Variants in CSNK1G1 observed in about 807,000 individuals in gnomAD.
CSNK1G1 encodes the protein casein kinase I isoform gamma-1.
Under a neutral mutation model 59.6 loss-of-function variants are expected in CSNK1G1, and 22 were observed. The ratio of observed to expected loss-of-function variants is 0.37; its 90% confidence interval spans 0.26 to 0.53. The LOEUF (loss-of-function observed/expected upper bound fraction) is 0.53, where lower values mean the gene tolerates loss of function less well. Among genes scored for constraint, CSNK1G1 ranks in the 20% least tolerant of loss-of-function variants. CSNK1G1 has a pLI of 0.89. For missense variants in CSNK1G1, 384 were observed against 519.5 expected, an observed-to-expected ratio of 0.74 and a Z score of 2.54; for synonymous variants, 179 against 177.1, an observed-to-expected ratio of 1.01 and a Z score of -0.08.
chr15:64,180,189 C>T, intron 11 of CSNK1G1, 159 bp downstream of exon 11: 1 of 585,664 alleles, frequency 1.7e-6, no homozygotes, highest in East Asian at 2.8e-5. Flanking sequence ...AGGGCAGTAG[C>T]AGCCTTAAGG....
chr15:64,186,824 T>A (rs576174781), intron 10 of CSNK1G1, among the ~76,000 whole-genome samples: 2 of 148,452 alleles, frequency 1.3e-5, no homozygotes, highest in Admixed American at 1.3e-4. Flanking sequence ...GAGCAATGAT[T>A]TTTTTCTCTT....
intron 1 of CSNK1G1, among the ~76,000 whole-genome samples, chr15:64,304,034 A>C (rs1895524315): frequency 6.6e-6 from 1 of 152,076 alleles, no homozygotes; most frequent in Admixed American, 6.6e-5. Flanking sequence ...ACTGACACTA[A>C]AGGTGCTGTG....
intron 10 of CSNK1G1, among the ~76,000 whole-genome samples, chr15:64,182,061 T>G (rs1018755342): frequency 2.2e-5 from 3 of 134,236 alleles, no homozygotes; most frequent in African/African-American, 9.0e-5. Context: ...CCGTTTTTTT[T>G]TTTTTTTTTT....
At chr15:64,184,463 G>C (rs1469267733) in intron 10 of CSNK1G1, among the ~76,000 whole-genome samples, 1 of 151,998 alleles carries the variant, frequency 6.6e-6, no homozygotes, top group Non-Finnish European at 1.5e-5. Context: ...GATTGCCTGA[G>C]CTCAGCAGTT....
At chr15:64,274,253 C>A (rs1188848984) in intron 2 of CSNK1G1, among the ~76,000 whole-genome samples, 1 of 152,184 alleles carries the variant, frequency 6.6e-6, no homozygotes, top group African/African-American at 2.4e-5. Context: ...TAAAATTTTA[C>A]AGGTCAACAC....
intron 10 of CSNK1G1, among the ~76,000 whole-genome samples, chr15:64,184,116 A>C (rs1357895122): frequency 3.3e-5 from 5 of 151,830 alleles, no homozygotes; most frequent in African/African-American, 1.2e-4. Context: ...ATCCTGACTA[A>C]CACGGTGAAA....
At chr15:64,283,194 A>G (rs879712995) in intron 2 of CSNK1G1, among the ~76,000 whole-genome samples, 9 of 151,980 alleles carry the variant, frequency 5.9e-5, no homozygotes, top group Non-Finnish European at 1.3e-4. Flanking sequence ...GTGACCATTA[A>G]AAAAAAATCC....
At chr15:64,287,697 C>G (rs1249950703) in intron 2 of CSNK1G1, among the ~76,000 whole-genome samples, 1 of 152,146 alleles carries the variant, frequency 6.6e-6, no homozygotes, top group Non-Finnish European at 1.5e-5. Flanking sequence ...AACTCATTCT[C>G]TTTTATGAAG....
At chr15:64,231,112 A>G (rs886304335) in intron 4 of CSNK1G1, among the ~76,000 whole-genome samples, 1 of 151,718 alleles carries the variant, frequency 6.6e-6, no homozygotes, top group Admixed American at 6.6e-5. Flanking sequence ...GGATTGCTTG[A>G]GGCCAAAAGT....
At chr15:64,218,968 C>T (rs2140272653) in intron 4 of CSNK1G1, among the ~76,000 whole-genome samples, 1 of 151,898 alleles carries the variant, frequency 6.6e-6, no homozygotes, top group Non-Finnish European at 1.5e-5. Context: ...CATTCTCCTG[C>T]CTCAGCCTCC....
chr15:64,199,580 C>T (rs1245219251), intron 10 of CSNK1G1, among the ~76,000 whole-genome samples: 2 of 152,164 alleles, frequency 1.3e-5, no homozygotes, highest in African/African-American at 2.4e-5. Flanking sequence ...CTAGGACGGG[C>T]GCGGTGGCTC....
chr15:64,262,453 T>C (rs1173059991), intron 2 of CSNK1G1, among the ~76,000 whole-genome samples: 5 of 152,190 alleles, frequency 3.3e-5, no homozygotes, highest in African/African-American at 1.2e-4. Flanking sequence ...ATGATATGGA[T>C]AAATGATAGA....
intron 4 of CSNK1G1, 125 bp downstream of exon 4, chr15:64,251,387 T>C (rs1370737981): frequency 1.6e-6 from 1 of 639,892 alleles, no homozygotes; most frequent in East Asian, 2.6e-5. Flanking sequence ...TTTATTTACC[T>C]ATCCGGCAAG....
At chr15:64,254,327 A>T (rs144873431) in intron 3 of CSNK1G1, among the ~76,000 whole-genome samples, 1 of 151,274 alleles carries the variant, frequency 6.6e-6, no homozygotes, top group African/African-American at 2.4e-5. Context: ...TTGTACACCA[A>T]TGTAAATGTA....
intron 6 of CSNK1G1, among the ~76,000 whole-genome samples, chr15:64,207,961 C>T (rs1007043314): frequency 6.6e-6 from 1 of 152,168 alleles, no homozygotes; most frequent in Non-Finnish European, 1.5e-5. Flanking sequence ...TTAGTTACCA[C>T]CAGAGAGTGA....
chr15:64,268,322 G>A (rs1213083782), intron 2 of CSNK1G1, among the ~76,000 whole-genome samples: 1 of 152,176 alleles, frequency 6.6e-6, no homozygotes, highest in Non-Finnish European at 1.5e-5. Flanking sequence ...GCTGGGGAGG[G>A]AGAAGGAAGA....
intron 10 of CSNK1G1, among the ~76,000 whole-genome samples, chr15:64,185,596 G>A (rs1271634101): frequency 2.0e-5 from 3 of 152,114 alleles, no homozygotes; most frequent in Non-Finnish European, 2.9e-5. Flanking sequence ...AGGCACGGTG[G>A]CTCACATCTG....
In CSNK1G1 at chr15:64,264,975, C is replaced by T. The variant is rs1892902950; in HGVS notation, c.182-5734G>A. On this transcript the variant is annotated intron_variant, in intron 2 of 11. Transcript: ENST00000303052. ...AAAAGACTAGAACAAGACAAGGATG[C>T]CCACTTTCACCAATTTTATACAACA... Among the ~76,000 whole-genome samples the T allele has an allele frequency of 1.3e-5, 2 of 152,146 alleles. 1 individual carries two copies. The highest frequency in any genetic ancestry group is 4.1e-4 in the South Asian group (2 of 4,826).
intron 4 of CSNK1G1, among the ~76,000 whole-genome samples, chr15:64,222,561 AT>A (rs2082405167): frequency 6.6e-6 from 1 of 151,828 alleles, no homozygotes. Flanking sequence ...CCACAGAACT[AT>A]GAATGAAACT....
Sources: allele counts gnomAD v4.1 joint callset (sites outside exome capture counted in the v4.1 genomes callset), GRCh38; gene constraint gnomAD v4.1.1; transcripts MANE v1.5; gene names NCBI Gene and HGNC (gene_info 2026-07-23, HGNC 2026-07-21).